USP39: variants seen among roughly 807,000 people sequenced by gnomAD.
USP39 encodes the protein ubiquitin specific peptidase 39, also known as ubiquitin carboxyl-terminal hydrolase 39.
USP39 carries 38 observed loss-of-function variants against 66.4 expected under a neutral mutation model. The observed-to-expected ratio is 0.57, with a 90% CI of 0.44 to 0.75. The LOEUF is 0.75. Ranked by LOEUF, USP39 falls within the 30% of genes least tolerant of loss-of-function variation. The pLI is 0.00. For synonymous variants in USP39, 303 were observed against 274.6 expected (o/e 1.10, Z -1.02); for missense variants, 608 against 714.4 (o/e 0.85, Z 1.70).
chr2:85,626,841 C>T (rs2104278010), intron 5 of USP39, among the ~76,000 whole-genome samples: 1 of 152,068 alleles, frequency 6.6e-6, no homozygotes, highest in East Asian at 1.9e-4. Context: ...CTTCAGCCTC[C>T]CGAGTAGCTG....
At chr2:85,643,157 G>A (rs1339113230) in intron 10 of USP39, among the ~76,000 whole-genome samples, 1 of 151,604 alleles carries the variant, frequency 6.6e-6, no homozygotes, top group Non-Finnish European at 1.5e-5. Flanking sequence ...CTCTTTTGCC[G>A]CATGGACAGT....
At chr2:85,648,637 G>T in intron 12 of USP39, 124 bp from the exon 13 acceptor site, 1 of 1,107,708 alleles carries the variant, frequency 9.0e-7, no homozygotes, top group Non-Finnish European at 1.4e-6. Context: ...ATTTCCAAAT[G>T]GGGTATAGCA....
chr2:85,639,437 C>A, intron 9 of USP39, 46 bp downstream of exon 9: 2 of 1,465,258 alleles, frequency 1.4e-6, no homozygotes, highest in Non-Finnish European at 1.8e-6. Flanking sequence ...CCCTCGCTCT[C>A]TCGACTTTTT....
rs544308237 is a variant in USP39, at chr2:85,643,333, T to A, written c.1428-1615T>A. Among the ~76,000 whole-genome samples the A allele has an allele frequency of 4.5e-4, 68 of 151,672 alleles. 1 individual carries two copies. The highest frequency in any genetic ancestry group is 2.9e-3 in the South Asian group (14 of 4,788). On this transcript the variant is annotated intron_variant, in intron 10 of 12. Transcript: ENST00000323701. Reference sequence around the variant, plus strand: ...GTGAAACCCCGTCTCTACTAAAAATTCAAAAAATTAGCCAGGCATGGTGGT... The same window carrying A: ...GTGAAACCCCGTCTCTACTAAAAATACAAAAAATTAGCCAGGCATGGTGGT...
Position 85,647,518 on chromosome 2 carries a change from A to C in USP39, c.1564-412A>C, listed in dbSNP as rs573302774. On this transcript the variant is annotated intron_variant, in intron 11 of 12. Transcript: ENST00000323701. ...ATTGCTATTAAAAAAAAAATTAGCC[A>C]GTTTTAGTGGCACACACCTGTAGTT... is the stretch of plus-strand genomic sequence containing the variant. Among the ~76,000 whole-genome samples the C allele has an allele frequency of 3.3e-5, 5 of 151,928 alleles. No individual in the cohort carries two copies. The South Asian group carries it at 8.3e-4, about 25-fold the overall frequency.
intron 9 of USP39, among the ~76,000 whole-genome samples, chr2:85,640,289 T>G (rs1241369555): frequency 2.6e-5 from 4 of 151,388 alleles, no homozygotes; most frequent in Admixed American, 6.6e-5. Context: ...TGGGGAGACA[T>G]ACTTTTTTTT....
chr2:85,639,432 G>C, intron 9 of USP39, 41 bp downstream of exon 9: 1 of 1,493,256 alleles, frequency 6.7e-7, no homozygotes, highest in Non-Finnish European at 9.0e-7. Flanking sequence ...ACTTACCCTC[G>C]CTCTCTCGAC....
intron 2 of USP39, among the ~76,000 whole-genome samples, chr2:85,620,122 T>C (rs1474255455): frequency 6.6e-6 from 1 of 150,994 alleles, no homozygotes; most frequent in Non-Finnish European, 1.5e-5. Context: ...CCTCCCAAAG[T>C]GCTGGGATTA....
chr2:85,621,539 C>A lies in USP39; in HGVS notation c.393C>A (p.Ile131=). The change falls in exon 3 of 13, where the codon ATC becomes ATA. Residue 131 remains isoleucine, a synonymous_variant. Transcript: ENST00000323701. ...EKLCSISLSH[I]NAYACLVCGK... ...TGTGTTCTATCTCCCTCTCACACAT[C>A]AATGCTTATGCCTGTCTGGTGTGTG... 1.2e-6 allele frequency: 2 copies of A among 1,613,728 alleles called. No homozygotes were observed. The highest frequency in any genetic ancestry group is 8.5e-7 in the Non-Finnish European group (1 of 1,179,936).
At chr2:85,621,423 C>T in intron 2 of USP39, 62 bp from the exon 3 acceptor site, 1 of 1,444,268 alleles carries the variant, frequency 6.9e-7, no homozygotes, top group Admixed American at 1.7e-5. Flanking sequence ...GCCAGCACTG[C>T]TTCATTTGCG....
In USP39 at chr2:85,620,811, G is replaced by A. The variant is rs570313561; in HGVS notation, c.339-674G>A. Among the ~76,000 whole-genome samples, 4 of 152,174 alleles carry A rather than the reference G, an allele frequency of 2.6e-5. No individual in the cohort carries two copies. The East Asian group carries it at 5.8e-4, about 22-fold the overall frequency. On this transcript the variant is annotated intron_variant, in intron 2 of 12. Coordinates refer to ENST00000323701, the MANE Select transcript of USP39 (RefSeq NM_006590.4). Reference sequence around the variant, plus strand: ...AGCATAGCTCTTTGGGATTATTATCGGTTAATTAAGAGTTACTATTTGAGA... The same window carrying A: ...AGCATAGCTCTTTGGGATTATTATCAGTTAATTAAGAGTTACTATTTGAGA...
At position 85,619,263 on chromosome 2, in the gene USP39, C is replaced by T. The variant is rs1391256532; in HGVS notation, c.312C>T (p.His104=). The change falls in exon 2 of 13, where the codon CAC becomes CAT. Residue 104 remains histidine, a synonymous_variant. Coordinates refer to ENST00000323701, the MANE Select transcript of USP39 (RefSeq NM_006590.4). Reference sequence around the variant, plus strand: ...ATTCTGAGGACCGGAGGAGCCGCCACTGCCCGTACCTGGACACCATTAACA... The same window carrying T: ...ATTCTGAGGACCGGAGGAGCCGCCATTGCCCGTACCTGGACACCATTAACA... ...RVDSEDRRSR[H]CPYLDTINRS... 2 of 1,613,778 alleles carry T rather than the reference C, an allele frequency of 1.2e-6. No homozygotes were observed. Among genetic ancestry groups the T allele is most frequent in the East Asian group, 4.5e-5 (2 of 44,888 alleles).
upstream of USP39, chr2:85,611,272 C>G: frequency 7.1e-7 from 1 of 1,402,680 alleles, no homozygotes; most frequent in Non-Finnish European, 9.2e-7. Flanking sequence ...ATATATTAAC[C>G]AGTGTGATCT....
At chr2:85,643,900 G>A (rs562618703) in intron 10 of USP39, among the ~76,000 whole-genome samples, 2 of 151,902 alleles carry the variant, frequency 1.3e-5, no homozygotes, top group Non-Finnish European at 2.9e-5. Context: ...CAGTCTGCCC[G>A]CCTCGGCCTC....
rs1219375379 is a variant in USP39, at chr2:85,630,780, C to T, written c.783C>T (p.Asn261=). The part of the protein sequence containing the change: ...NYFLEEDNYK[N]IKRPPGDIMF... ...TTCTGGAAGAAGACAATTATAAGAA[C>T]ATCAAACGTCCTCCAGGGGATATCA... is the stretch of plus-strand genomic sequence containing the variant. The change falls in exon 6 of 13, where the codon AAC becomes AAT. Residue 261 remains asparagine, a synonymous_variant. Transcript: ENST00000323701. 2 of 1,614,178 alleles carry T rather than the reference C, an allele frequency of 1.2e-6. No homozygotes were observed. The highest frequency in any genetic ancestry group is 1.1e-5 in the South Asian group (1 of 91,086).
intron 6 of USP39, among the ~76,000 whole-genome samples, 196 bp downstream of exon 6, chr2:85,631,142 G>C (rs190644473): frequency 6.6e-6 from 1 of 152,024 alleles, no homozygotes; most frequent in African/African-American, 2.4e-5. Flanking sequence ...AGCCTCCCAA[G>C]TAGCTGGGAC....
rs1676011246 is a variant in USP39, at chr2:85,638,905, T to G, written c.1096-298T>G. Among the ~76,000 whole-genome samples, 5 of 151,872 alleles carry G rather than the reference T, an allele frequency of 3.3e-5. No homozygotes were observed. In the South Asian group the frequency reaches 1.0e-3, roughly 32 times the overall value. ...CCAGGCTGGTCTGGAAGTCCTGGACTCAAGCAGTCCTCTCACCTTTGTTCC... is the reference window on the plus strand; with the variant it reads ...CCAGGCTGGTCTGGAAGTCCTGGACGCAAGCAGTCCTCTCACCTTTGTTCC... On this transcript the variant is annotated intron_variant, in intron 8 of 12. Coordinates refer to ENST00000323701, the MANE Select transcript of USP39 (RefSeq NM_006590.4).
At chr2:85,616,933 G>T (rs1364140097) in intron 1 of USP39, among the ~76,000 whole-genome samples, 1 of 151,458 alleles carries the variant, frequency 6.6e-6, no homozygotes, top group Non-Finnish European at 1.5e-5. Flanking sequence ...TTCGTGATCC[G>T]CCCGCCTCGG....
chr2:85,611,562 G>A, upstream of USP39: 1 of 1,551,120 alleles, frequency 6.4e-7, no homozygotes. Context: ...AAAGAGACGA[G>A]ATGAGCTGAA....
Sources: allele counts gnomAD v4.1 joint callset (sites outside exome capture counted in the v4.1 genomes callset), GRCh38; gene constraint gnomAD v4.1.1; transcripts MANE v1.5; gene names NCBI Gene and HGNC (gene_info 2026-07-23, HGNC 2026-07-21).